RANBP17: variants seen among roughly 807,000 people sequenced by gnomAD.
The protein encoded by RANBP17 is ran-binding protein 17.
Under a neutral mutation model 141.2 loss-of-function variants are expected in RANBP17, and 158 were observed. That is an observed-to-expected ratio of 1.12 (90% CI 0.98 to 1.28). RANBP17 has a LOEUF of 1.28. Among genes scored for constraint, RANBP17 ranks in the 50% most tolerant of loss-of-function variants. The probability of loss-of-function intolerance (pLI) is 0.00; values close to 1 mark genes in which losing one functional copy is unlikely to be tolerated. For synonymous variants in RANBP17, 430 were observed against 450.0 expected (o/e 0.96, Z 0.56); for missense variants, 1,438 against 1,290.7 (o/e 1.11, Z -1.75).
chr5:171,243,955 A>G (rs1472016085), intron 24 of RANBP17, among the ~76,000 whole-genome samples: 1 of 151,970 alleles, frequency 6.6e-6, no homozygotes, highest in African/African-American at 2.4e-5. Flanking sequence ...GTGGGCGCAT[A>G]TAATCCCAAC....
intron 14 of RANBP17, among the ~76,000 whole-genome samples, chr5:171,093,392 G>C (rs1382989042): frequency 2.0e-5 from 3 of 151,974 alleles, no homozygotes; most frequent in Non-Finnish European, 4.4e-5. Context: ...CTAAGTTGAT[G>C]ATTATAAGGA....
chr5:170,878,506 A>G (rs1005524780), intron 2 of RANBP17, among the ~76,000 whole-genome samples: 1 of 152,138 alleles, frequency 6.6e-6, no homozygotes, highest in Middle Eastern at 3.2e-3. Flanking sequence ...TTTATGTCTC[A>G]TATTAGTGGG....
intron 14 of RANBP17, among the ~76,000 whole-genome samples, chr5:171,162,886 C>T (rs1212671993): frequency 6.6e-6 from 1 of 152,092 alleles, no homozygotes; most frequent in Non-Finnish European, 1.5e-5. Context: ...GTGGTCACTC[C>T]AAGTTTTCTT....
intron 14 of RANBP17, among the ~76,000 whole-genome samples, chr5:171,014,204 C>G (rs965127846): frequency 1.3e-5 from 2 of 151,544 alleles, no homozygotes; most frequent in Non-Finnish European, 2.9e-5. Flanking sequence ...TATCTTTAAC[C>G]TATCTATGTC....
chr5:171,276,067 A>C (rs1328486976), intron 25 of RANBP17, among the ~76,000 whole-genome samples: 2 of 152,196 alleles, frequency 1.3e-5, no homozygotes, highest in Non-Finnish European at 2.9e-5. Flanking sequence ...GTCCAAACAC[A>C]GCAGCCATAA....
At chr5:170,949,754 A>T (rs574771352) in intron 12 of RANBP17, among the ~76,000 whole-genome samples, 1 of 152,312 alleles carries the variant, frequency 6.6e-6, no homozygotes, top group African/African-American at 2.4e-5. Context: ...ATACATCCAC[A>T]TAAAATCTTG....
rs191628031 is a variant in RANBP17 at position 170,978,294 on chromosome 5, G to A, written c.1710+9917G>A. On this transcript the variant is annotated intron_variant, in intron 14 of 27. Transcript: ENST00000523189. ...AAATCATTTTGGAAAACTATTTGGC[G>A]ATGTACTAAAACTGGATATAGTCTA... 7.8e-4 allele frequency among the ~76,000 whole-genome samples: 119 copies of A among 152,160 alleles called. No individual in the cohort carries two copies. The East Asian group carries it at 0.017, about 22-fold the overall frequency.
intron 1 of RANBP17, chr5:170,867,236 G>A (rs1767337213): frequency 6.6e-6 from 1 of 152,108 alleles, no homozygotes; most frequent in African/African-American, 2.4e-5. Context: ...ACATGTATTT[G>A]GGGTCTGTAG....
chr5:171,105,062 G>A (rs911873223), intron 14 of RANBP17, among the ~76,000 whole-genome samples: 1 of 152,052 alleles, frequency 6.6e-6, no homozygotes, highest in Non-Finnish European at 1.5e-5. Context: ...AAAACTTTTG[G>A]AGAGGATAAA....
intron 14 of RANBP17, among the ~76,000 whole-genome samples, chr5:171,035,020 TAAATAAA>T (rs1460754400): frequency 2.6e-5 from 4 of 151,626 alleles, no homozygotes; most frequent in African/African-American, 9.7e-5. Flanking sequence ...CATATGGCTA[TAAATAAA>T]AAATAAGAAA....
At chr5:171,092,447 A>T (rs1484270285) in intron 14 of RANBP17, among the ~76,000 whole-genome samples, 1 of 152,208 alleles carries the variant, frequency 6.6e-6, no homozygotes, top group Non-Finnish European at 1.5e-5. Context: ...GTCACCTTTC[A>T]TAATAGTGTC....
intron 25 of RANBP17, among the ~76,000 whole-genome samples, chr5:171,287,602 T>C (rs1301055115): frequency 6.6e-6 from 1 of 151,514 alleles, no homozygotes; most frequent in East Asian, 1.9e-4. Context: ...CCCTCCCCAG[T>C]CCCCACCCCC....
chr5:171,179,752 A>G (rs1464964984), intron 16 of RANBP17, among the ~76,000 whole-genome samples: 1 of 152,050 alleles, frequency 6.6e-6, no homozygotes, highest in African/African-American at 2.4e-5. Context: ...AGTACATATT[A>G]TAGTGGTTTT....
At chr5:171,298,696 T>C (rs1248690843) in intron 27 of RANBP17, 66 bp from the exon 28 acceptor site, 1 of 1,302,108 alleles carries the variant, frequency 7.7e-7, no homozygotes, top group Non-Finnish European at 1.1e-6. Flanking sequence ...AATGGCCTTA[T>C]CGTCCAGAAA....
chr5:170,941,827 TTGGAAA>T (rs1299038239), intron 12 of RANBP17, among the ~76,000 whole-genome samples: 1 of 152,116 alleles, frequency 6.6e-6, no homozygotes, highest in Admixed American at 6.5e-5. Flanking sequence ...GTGGAATCAG[TTGGAAA>T]TGGAATAGAA....
chr5:171,151,624 T>C (rs1370201498), intron 14 of RANBP17, among the ~76,000 whole-genome samples: 1 of 152,190 alleles, frequency 6.6e-6, no homozygotes, highest in East Asian at 1.9e-4. Flanking sequence ...TTAATGGTCA[T>C]TGGTGGAAGG....
intron 14 of RANBP17, among the ~76,000 whole-genome samples, chr5:170,982,734 T>G (rs368556665): frequency 6.6e-6 from 1 of 152,160 alleles, no homozygotes; most frequent in East Asian, 1.9e-4. Context: ...AAAAGGACTA[T>G]GCAGAGTTCC....
In RANBP17 at chr5:171,041,693, G is replaced by A. The variant is rs72827522; in HGVS notation, c.1710+73316G>A. On this transcript the variant is annotated intron_variant, in intron 14 of 27. Transcript: ENST00000523189. ...TTGTAACACAATGGTAAGTACTTAT[G>A]TATCTAATCATAGAAAAGGCACAGT... Among the ~76,000 whole-genome samples, 1,497 of 152,150 alleles carry A rather than the reference G, an allele frequency of 9.8e-3. 10 individuals are homozygous for A. The highest frequency in any genetic ancestry group is 0.085 in the Middle Eastern group (25 of 294).
chr5:171,095,781 CA>C, intron 14 of RANBP17, among the ~76,000 whole-genome samples: 1 of 152,074 alleles, frequency 6.6e-6, no homozygotes, highest in Non-Finnish European at 1.5e-5. Flanking sequence ...CCCACACAGT[CA>C]AAAATCTGAG....
Sources: allele counts gnomAD v4.1 joint callset (sites outside exome capture counted in the v4.1 genomes callset), GRCh38; gene constraint gnomAD v4.1.1; transcripts MANE v1.5; gene names NCBI Gene and HGNC (gene_info 2026-07-23, HGNC 2026-07-21).